ENTREP2: variants seen among roughly 807,000 people sequenced by gnomAD.
ENTREP2 encodes protein ENTREP2.
chr15:29,555,048 A>G, the ENTREP2 span, among the ~76,000 whole-genome samples: 2 of 152,222 alleles, frequency 1.3e-5, no homozygotes, highest in Non-Finnish European at 2.9e-5. Flanking sequence ...ACTGACAAAC[A>G]GCTACATGAG....
the ENTREP2 span, among the ~76,000 whole-genome samples, chr15:29,424,663 T>C: frequency 6.6e-6 from 1 of 152,158 alleles, no homozygotes; most frequent in Non-Finnish European, 1.5e-5. Context: ...AGTCCTGGTT[T>C]ATTTATTCCG....
the ENTREP2 span, among the ~76,000 whole-genome samples, chr15:29,363,335 C>T: frequency 1.3e-5 from 2 of 152,052 alleles, no homozygotes; most frequent in African/African-American, 2.4e-5. Context: ...TTCATGGCTT[C>T]GAAAGAAAGC....
chr15:29,467,100 G>A, the ENTREP2 span, among the ~76,000 whole-genome samples: 1 of 151,980 alleles, frequency 6.6e-6, no homozygotes, highest in Non-Finnish European at 1.5e-5. Flanking sequence ...CCCAGGGGAG[G>A]ATGCTGCAGC....
chr15:29,406,534 C>T, the ENTREP2 span, among the ~76,000 whole-genome samples: 4 of 151,248 alleles, frequency 2.6e-5, no homozygotes, highest in Non-Finnish European at 4.4e-5. Flanking sequence ...GGCGACAGAG[C>T]GAAACTCTGT....
At chr15:29,652,242 G>A in the ENTREP2 span, among the ~76,000 whole-genome samples, 2 of 152,288 alleles carry the variant, frequency 1.3e-5, no homozygotes, top group South Asian at 4.2e-4. Flanking sequence ...CCAGCAGAGA[G>A]GGGCCACCCA....
chr15:29,517,148 A>G, the ENTREP2 span, among the ~76,000 whole-genome samples: 1 of 152,152 alleles, frequency 6.6e-6, no homozygotes, highest in Non-Finnish European at 1.5e-5. Flanking sequence ...ATACCACAGG[A>G]AGCGGGGGAG....
At chr15:29,361,089 C>T in the ENTREP2 span, among the ~76,000 whole-genome samples, 1 of 152,188 alleles carries the variant, frequency 6.6e-6, no homozygotes, top group Non-Finnish European at 1.5e-5. Context: ...TTCTGCTGGC[C>T]TGCAAGGAGT....
chr15:29,396,881 G>A, the ENTREP2 span, among the ~76,000 whole-genome samples: 1 of 152,128 alleles, frequency 6.6e-6, no homozygotes, highest in African/African-American at 2.4e-5. Context: ...GTTATACAAG[G>A]AGTGACATAG....
chr15:29,269,808 G>C, the ENTREP2 span: 1 of 1,149,830 alleles, frequency 8.7e-7, no homozygotes, highest in South Asian at 1.8e-5. Flanking sequence ...GGCGCGCGCA[G>C]TGTCGGCTGA....
At chr15:29,199,683 A>G in the ENTREP2 span, among the ~76,000 whole-genome samples, 326 of 152,340 alleles carry the variant, frequency 2.1e-3, 1 homozygote, top group African/African-American at 7.6e-3. Context: ...TTCTCAGTCT[A>G]TAGTTTATCT....
the ENTREP2 span, among the ~76,000 whole-genome samples, chr15:29,181,681 A>G: frequency 6.6e-6 from 1 of 152,152 alleles, no homozygotes; most frequent in Non-Finnish European, 1.5e-5. Flanking sequence ...TTATATGTGT[A>G]TGAATGTGTA....
the ENTREP2 span, among the ~76,000 whole-genome samples, chr15:29,491,919 T>G: frequency 6.6e-6 from 1 of 152,294 alleles, no homozygotes; most frequent in African/African-American, 2.4e-5. Context: ...GGGAAAAAAC[T>G]ATTTCCATCA....
chr15:29,362,765 TAA>T, the ENTREP2 span, among the ~76,000 whole-genome samples: 1 of 152,182 alleles, frequency 6.6e-6, no homozygotes, highest in African/African-American at 2.4e-5. Context: ...CCTGATGGAT[TAA>T]AAGAGTTTAT....
chr15:29,210,467 G>A, the ENTREP2 span, among the ~76,000 whole-genome samples: 1 of 152,232 alleles, frequency 6.6e-6, no homozygotes. Flanking sequence ...ATTATTGCCT[G>A]AGCTCCGCCT....
the ENTREP2 span, among the ~76,000 whole-genome samples, chr15:29,135,243 G>A: frequency 1.6e-4 from 25 of 152,174 alleles, no homozygotes; most frequent in Middle Eastern, 3.4e-3. This position sits in a 1 kb window ranked among gnomAD's most constrained non-coding sequence, Gnocchi z 7.4. Flanking sequence ...CACCTGTCAC[G>A]GGAGTTCTCT....
chr15:29,312,245 A>G, the ENTREP2 span, among the ~76,000 whole-genome samples: 1 of 152,158 alleles, frequency 6.6e-6, no homozygotes, highest in African/African-American at 2.4e-5. Flanking sequence ...ACATTCATGA[A>G]AGAAGAAGTT....
the ENTREP2 span, among the ~76,000 whole-genome samples, chr15:29,223,927 C>G: frequency 3.2e-4 from 48 of 152,296 alleles, no homozygotes; most frequent in African/African-American, 1.2e-3. Flanking sequence ...AGCTTGCCCG[C>G]CCCCAGCTCG....
the ENTREP2 span, among the ~76,000 whole-genome samples, chr15:29,198,225 G>A: frequency 7.2e-5 from 11 of 152,138 alleles, no homozygotes; most frequent in Non-Finnish European, 1.3e-4. Context: ...ACCTCCACAG[G>A]CTTCATGTTT....
At chr15:29,410,321 A>C in the ENTREP2 span, among the ~76,000 whole-genome samples, 1 of 152,162 alleles carries the variant, frequency 6.6e-6, no homozygotes, top group African/African-American at 2.4e-5. Flanking sequence ...GAAAAAACAT[A>C]GTATTTTTTC....
Sources: gnomAD v4.1 joint callset for allele counts (sites outside exome capture counted in the v4.1 genomes callset) on GRCh38, gnomAD v4.1.1 for gene constraint, Gnocchi (gnomAD v3.1) non-coding constraint, MANE v1.5 for transcripts, NCBI Gene and HGNC (gene_info 2026-07-23, HGNC 2026-07-21) for gene names.